Variants in SPOCK3 observed in about 807,000 individuals in gnomAD.
The protein encoded by SPOCK3 is testican-3.
In SPOCK3, 30 loss-of-function variants were observed where a neutral mutation model predicts 56.6. That is an observed-to-expected ratio of 0.53 (90% confidence interval 0.40 to 0.72). SPOCK3 has a LOEUF of 0.72. Among genes scored for constraint, SPOCK3 ranks in the 30% least tolerant of loss-of-function variants. The pLI is 0.00. For synonymous variants in SPOCK3, 196 were observed against 183.3 expected (o/e 1.07, Z -0.56); for missense variants, 527 against 530.0 (o/e 0.99, Z 0.06).
intron 6 of SPOCK3, among the ~76,000 whole-genome samples, chr4:166,853,197 A>G (rs530114328): frequency 1.3e-5 from 2 of 152,330 alleles, no homozygotes; most frequent in Non-Finnish European, 2.9e-5. Context: ...AAATTAAGAC[A>G]TATTTTTAAA....
In SPOCK3 at chr4:166,766,564, T is replaced by C. The variant is rs1738088031; in HGVS notation, c.710-11835A>G. 2.0e-5 allele frequency among the ~76,000 whole-genome samples: 3 copies of C among 152,190 alleles called. No individual in the cohort carries two copies. In the South Asian group the frequency reaches 6.2e-4, roughly 31 times the overall value. On this transcript the variant is annotated intron_variant, in intron 7 of 10. Coordinates refer to ENST00000357545, the MANE Select transcript of SPOCK3 (RefSeq NM_001040159.2). ...AACTTGATCGTGGTGGATAAGCTTT[T>C]TGATGTGCTGCTGGATTCGGTTTGC... is the stretch of plus-strand genomic sequence containing the variant.
intron 4 of SPOCK3, among the ~76,000 whole-genome samples, chr4:166,944,545 T>C (rs1741492827): frequency 6.6e-6 from 1 of 152,168 alleles, no homozygotes; most frequent in Non-Finnish European, 1.5e-5. Flanking sequence ...TCTTTTTTTC[T>C]TGAGGGAGGG....
intron 3 of SPOCK3, among the ~76,000 whole-genome samples, chr4:167,058,705 C>T (rs1341220193): frequency 6.6e-6 from 1 of 152,100 alleles, no homozygotes; most frequent in African/African-American, 2.4e-5. Flanking sequence ...CAATCCTAAG[C>T]CAAATGAACA....
At chr4:166,808,334 G>A (rs549517145) in intron 6 of SPOCK3, among the ~76,000 whole-genome samples, 2 of 152,094 alleles carry the variant, frequency 1.3e-5, no homozygotes, top group Admixed American at 1.3e-4. Context: ...AGCCCTAACT[G>A]CCAATGTGAC....
intron 2 of SPOCK3, among the ~76,000 whole-genome samples, chr4:167,107,278 A>G (rs1043168661): frequency 2.0e-5 from 3 of 151,964 alleles, no homozygotes; most frequent in African/African-American, 4.8e-5. Flanking sequence ...GCCGAATTCA[A>G]CAACACATTG....
chr4:166,762,957 T>C (rs1006309032), intron 7 of SPOCK3, among the ~76,000 whole-genome samples: 3 of 152,066 alleles, frequency 2.0e-5, no homozygotes, highest in African/African-American at 7.2e-5. Flanking sequence ...CTCAGAAGAA[T>C]ACTCGAAGTG....
At chr4:166,739,441 A>G (rs1166675482) in intron 9 of SPOCK3, among the ~76,000 whole-genome samples, 2 of 152,038 alleles carry the variant, frequency 1.3e-5, no homozygotes, top group Non-Finnish European at 2.9e-5. Context: ...GGGTTTCACC[A>G]TGTTGTCAAG....
chr4:167,022,342 C>T (rs1178672141), intron 3 of SPOCK3, among the ~76,000 whole-genome samples: 2 of 152,046 alleles, frequency 1.3e-5, no homozygotes, highest in Non-Finnish European at 1.5e-5. Context: ...CAGCTTGTCC[C>T]CAAAGCCTGA....
At chr4:167,011,783 A>G (rs377727839) in intron 3 of SPOCK3, among the ~76,000 whole-genome samples, 247 of 152,180 alleles carry the variant, frequency 1.6e-3, no homozygotes, top group African/African-American at 5.5e-3. Context: ...TCTTTTGGAG[A>G]CCATTAACCT....
chr4:167,013,743 AT>A (rs1750325766), intron 3 of SPOCK3, among the ~76,000 whole-genome samples: 1 of 152,006 alleles, frequency 6.6e-6, no homozygotes, highest in Non-Finnish European at 1.5e-5. Flanking sequence ...GCCCCTACTA[AT>A]ATGGCGATTT....
chr4:167,123,539 C>T (rs1016414477), intron 2 of SPOCK3, among the ~76,000 whole-genome samples: 1 of 151,952 alleles, frequency 6.6e-6, no homozygotes, highest in Non-Finnish European at 1.5e-5. Context: ...TCATAGTTTA[C>T]AATAGCCATT....
intron 4 of SPOCK3, among the ~76,000 whole-genome samples, chr4:166,995,632 T>G (rs936864722): frequency 6.6e-6 from 1 of 151,978 alleles, no homozygotes; most frequent in Non-Finnish European, 1.5e-5. Flanking sequence ...AGAACTAATC[T>G]CAAGCAGAAC....
chr4:166,876,659 C>T (rs9996592), intron 6 of SPOCK3, among the ~76,000 whole-genome samples: 104,190 of 151,918 alleles, frequency 0.69, 36,634 homozygotes, highest in South Asian at 0.79. Flanking sequence ...TATATTATAG[C>T]AAAAATTATT....
At chr4:167,019,463 T>C (rs1268549461) in intron 3 of SPOCK3, among the ~76,000 whole-genome samples, 1 of 151,682 alleles carries the variant, frequency 6.6e-6, no homozygotes, top group Non-Finnish European at 1.5e-5. Context: ...CCATATATAA[T>C]TTATAGAGAA....
At chr4:166,745,766 T>A (rs1735530060) in intron 8 of SPOCK3, among the ~76,000 whole-genome samples, 1 of 152,102 alleles carries the variant, frequency 6.6e-6, no homozygotes, top group Non-Finnish European at 1.5e-5. Context: ...GAGACACACA[T>A]AGGCTCAAAA....
intron 3 of SPOCK3, among the ~76,000 whole-genome samples, chr4:167,020,028 G>T (rs1253925486): frequency 6.6e-6 from 1 of 152,068 alleles, no homozygotes; most frequent in Non-Finnish European, 1.5e-5. Flanking sequence ...AATACTATTG[G>T]ATGTTACAGA....
At chr4:166,933,542 A>G (rs1244448054) in intron 4 of SPOCK3, among the ~76,000 whole-genome samples, 1 of 152,174 alleles carries the variant, frequency 6.6e-6, no homozygotes, top group Non-Finnish European at 1.5e-5. Context: ...TAGGAAATTT[A>G]TCATTATTAT....
rs34556103 is a variant in SPOCK3 at position 166,934,333 on chromosome 4, C to CAAAA, written c.351-21594_351-21591dup. Among the ~76,000 whole-genome samples, 653 of 140,290 alleles carry CAAAA rather than the reference C, an allele frequency of 4.7e-3. 9 individuals are homozygous for CAAAA. Among genetic ancestry groups the CAAAA allele is most frequent in the African/African-American group, 0.016 (619 of 37,894 alleles). The allele number at this position is 140,290 out of a possible 152,430, so 92.0% of individuals were successfully genotyped here. A position where few individuals can be genotyped will look rare whatever the true frequency, so the allele number is the denominator to read the frequency against. ...TGAAACCCCCTCTTTACTAAAAATACAAAAAAAAAAAAAAATTCGTCAGGT... is the reference window on the plus strand; with the variant it reads ...TGAAACCCCCTCTTTACTAAAAATACAAAAAAAAAAAAAAAAAAATTCGTCAGGT... On this transcript the variant is annotated intron_variant, in intron 4 of 10. Coordinates refer to ENST00000357545, the MANE Select transcript of SPOCK3 (RefSeq NM_001040159.2).
chr4:167,182,802 C>T (rs1422369143), intron 2 of SPOCK3, among the ~76,000 whole-genome samples: 2 of 152,280 alleles, frequency 1.3e-5, no homozygotes, highest in South Asian at 2.1e-4. Flanking sequence ...TCCCAAAGTG[C>T]TGGGATTACA....
Sources: allele counts gnomAD v4.1 joint callset (sites outside exome capture counted in the v4.1 genomes callset), GRCh38; gene constraint gnomAD v4.1.1; transcripts MANE v1.5; gene names NCBI Gene and HGNC (gene_info 2026-07-23, HGNC 2026-07-21).